The following CAMTA1 variants were observed in gnomAD, a reference collection of about 807,000 sequenced individuals.
CAMTA1 encodes the protein calmodulin-binding transcription activator 1.
CAMTA1 carries 27 observed loss-of-function variants against 170.9 expected under a neutral mutation model. The ratio of observed to expected loss-of-function variants is 0.16; its 90% CI spans 0.12 to 0.22. CAMTA1 has a LOEUF of 0.22. Among genes scored for constraint, CAMTA1 ranks in the 10% least tolerant of loss-of-function variants. The pLI is 1.00. For missense variants in CAMTA1, 1,619 were observed against 2,217.2 expected (o/e 0.73, Z 5.42); for synonymous variants, 833 against 891.5 (o/e 0.93, Z 1.17).
chr1:7,001,519 C>G (rs796790580), intron 3 of CAMTA1, among the ~76,000 whole-genome samples: 2 of 152,210 alleles, frequency 1.3e-5, no homozygotes, highest in Non-Finnish European at 2.9e-5. Flanking sequence ...CTGCTTCTGT[C>G]CCCTGGAACC....
intron 6 of CAMTA1, among the ~76,000 whole-genome samples, chr1:7,557,490 C>T (rs543606315): frequency 8.5e-5 from 13 of 152,164 alleles, no homozygotes; most frequent in African/African-American, 2.7e-4. Context: ...TTCTAGGATC[C>T]GGTATGTTTC....
intron 3 of CAMTA1, among the ~76,000 whole-genome samples, chr1:6,927,134 C>T (rs1487692798): frequency 6.6e-6 from 1 of 152,026 alleles, no homozygotes; most frequent in East Asian, 1.9e-4. Flanking sequence ...AGGTGATCCT[C>T]CTGCCTCAGC....
intron 3 of CAMTA1, among the ~76,000 whole-genome samples, chr1:6,861,552 T>TC: frequency 6.6e-6 from 1 of 152,178 alleles, no homozygotes; most frequent in African/African-American, 2.4e-5. Context: ...GTGGCTTAGT[T>TC]CCCCTCACAA....
intron 5 of CAMTA1, among the ~76,000 whole-genome samples, chr1:7,284,165 C>CTTCTTCTTCTT (rs1671959416): frequency 8.5e-6 from 1 of 117,978 alleles, no homozygotes; most frequent in African/African-American, 3.4e-5. Context: ...TCTTCTTCTT[C>CTTCTTCTTCTT]TTCTTCTTCT....
rs1666099709 is a variant in CAMTA1 at position 7,248,101 on chromosome 1, G to A, written c.303-1390G>A. 6.6e-6 allele frequency among the ~76,000 whole-genome samples: 1 copy of A among 152,198 alleles called. No homozygotes were observed. The highest frequency in any genetic ancestry group is 2.4e-5 in the African/African-American group (1 of 41,450). ...TCATATTGCCGCTGAATGACATAGT[G>A]GGGCTGGGTGGAAACTACAATTAGC... On this transcript the variant is annotated intron_variant, in intron 4 of 22. Transcript: ENST00000303635. The surrounding 1 kb of genome is among the most constrained non-coding windows in gnomAD (Gnocchi z 4.0).
rs1458360812 is a variant in CAMTA1, at chr1:6,887,672, T to C, written c.234+62462T>C. On this transcript the variant is annotated intron_variant, in intron 3 of 22. Transcript: ENST00000303635. The surrounding 1 kb of genome is among the most constrained non-coding windows in gnomAD (Gnocchi z 4.1). The stretch of plus-strand genomic sequence containing the variant: ...ATTTCAGGCTCTCACCACACACTTG[T>C]TCATGGGCGCAGCAAAGAAGAGGGA... 1 of 1,535,298 alleles carries C rather than the reference T, an allele frequency of 6.5e-7. No homozygotes were observed. The highest frequency in any genetic ancestry group is 8.7e-7 in the Non-Finnish European group (1 of 1,146,636).
intron 6 of CAMTA1, among the ~76,000 whole-genome samples, chr1:7,528,654 A>G (rs946329331): frequency 2.6e-5 from 4 of 151,980 alleles, no homozygotes; most frequent in African/African-American, 7.3e-5. Flanking sequence ...GGCGTGCCCT[A>G]TTGACAGATG....
chr1:7,440,094 A>G (rs2092473621), intron 5 of CAMTA1, among the ~76,000 whole-genome samples: 1 of 152,258 alleles, frequency 6.6e-6, no homozygotes, highest in Non-Finnish European at 1.5e-5. Context: ...CTGGCACATT[A>G]GCCCATGGCT....
intron 6 of CAMTA1, among the ~76,000 whole-genome samples, chr1:7,637,306 G>T (rs947982024): frequency 6.6e-6 from 1 of 152,226 alleles, no homozygotes; most frequent in African/African-American, 2.4e-5. Flanking sequence ...CTGCAGGGCC[G>T]GGCTTCTGCT....
chr1:6,963,612 G>T (rs1022172576), intron 3 of CAMTA1, among the ~76,000 whole-genome samples: 3 of 152,162 alleles, frequency 2.0e-5, no homozygotes, highest in Admixed American at 2.0e-4. Context: ...AGGAAGCAGA[G>T]CTGCCAGGGG....
At chr1:7,638,458 T>G (rs111284644) in intron 6 of CAMTA1, among the ~76,000 whole-genome samples, 1,633 of 152,206 alleles carry the variant, frequency 0.011, 18 homozygotes, top group Non-Finnish European at 0.018. Context: ...CTGACCAATA[T>G]GGTGAAACCC....
intron 5 of CAMTA1, among the ~76,000 whole-genome samples, chr1:7,346,879 G>A (rs1215406900): frequency 6.6e-6 from 1 of 152,162 alleles, no homozygotes; most frequent in African/African-American, 2.4e-5. Context: ...GCCCTCAGGG[G>A]CCAGGCCTTG....
intron 3 of CAMTA1, among the ~76,000 whole-genome samples, chr1:6,830,227 G>A (rs767169197): frequency 5.3e-5 from 8 of 151,568 alleles, no homozygotes; most frequent in Non-Finnish European, 8.8e-5. Flanking sequence ...TAGTAGAGAC[G>A]GAGTTTCACC....
rs531876189 is a variant in CAMTA1, at chr1:7,349,481, C to T, written c.438+99855C>T. On this transcript the variant is annotated intron_variant, in intron 5 of 22. Transcript: ENST00000303635. ...CAGCTGCCTAGGGCTGATCCCATGC[C>T]ATGTGTGTACTCTGGCTGCCATGAC... Among the ~76,000 whole-genome samples the T allele has an allele frequency of 8.5e-4, 129 of 152,340 alleles. 2 individuals are homozygous for T. The Middle Eastern group carries it at 0.02, about 24-fold the overall frequency.
At chr1:7,513,582 A>G (rs2094233831) in intron 6 of CAMTA1, among the ~76,000 whole-genome samples, 2 of 152,124 alleles carry the variant, frequency 1.3e-5, no homozygotes, top group South Asian at 4.2e-4. Context: ...CCCTGCCTTC[A>G]TGTTCACATG....
intron 6 of CAMTA1, among the ~76,000 whole-genome samples, chr1:7,509,557 G>T (rs1336747335): frequency 6.6e-6 from 1 of 152,190 alleles, no homozygotes; most frequent in Non-Finnish European, 1.5e-5. Flanking sequence ...ATCCCTGAGT[G>T]GTTTATAAAT....
chr1:6,943,300 C>A (rs991862910), intron 3 of CAMTA1, among the ~76,000 whole-genome samples: 3 of 152,088 alleles, frequency 2.0e-5, no homozygotes, highest in African/African-American at 7.2e-5. Context: ...CAGGGCTCAA[C>A]TGTGGTCCCC....
At chr1:7,125,758 A>G (rs1644895778) in intron 4 of CAMTA1, among the ~76,000 whole-genome samples, 1 of 152,130 alleles carries the variant, frequency 6.6e-6, no homozygotes, top group African/African-American at 2.4e-5. Context: ...CAGGCCCCTG[A>G]GGGCCTCATA....
At chr1:7,545,012 A>G (rs570721123) in intron 6 of CAMTA1, among the ~76,000 whole-genome samples, 3 of 152,214 alleles carry the variant, frequency 2.0e-5, no homozygotes, top group Non-Finnish European at 4.4e-5. Flanking sequence ...ATCAAATTTC[A>G]GCATGGGTTT....
Sources: gnomAD v4.1 joint callset for allele counts (sites outside exome capture counted in the v4.1 genomes callset) on GRCh38, gnomAD v4.1.1 for gene constraint, Gnocchi (gnomAD v3.1) non-coding constraint, MANE v1.5 for transcripts, NCBI Gene and HGNC (gene_info 2026-07-23, HGNC 2026-07-21) for gene names.